Variants in PTPRF observed in about 807,000 individuals in gnomAD.
PTPRF encodes receptor-type tyrosine-protein phosphatase F.
In PTPRF, 59 loss-of-function variants were observed where a neutral mutation model predicts 201.8. That is an observed-to-expected ratio of 0.29 (90% CI 0.24 to 0.36). The LOEUF is 0.36. Ranked by LOEUF, PTPRF falls within the 10% of genes least tolerant of loss-of-function variation. The pLI is 1.00. For missense variants in PTPRF, 2,132 were observed against 2,690.5 expected (o/e 0.79, Z 4.59); for synonymous variants, 1,088 against 1,089.7 (o/e 1.00, Z 0.03).
chr1:43,609,462 C>G lies in PTPRF; in HGVS notation c.3937C>G (p.Pro1313Ala), dbSNP rs753601305. The G allele has an allele frequency of 2.5e-6, 4 of 1,614,036 alleles. No individual in the cohort carries two copies. The highest frequency in any genetic ancestry group is 2.2e-5 in the South Asian group (2 of 91,058). The change falls in exon 22 of 34, where the codon CCT becomes GCT. Residue 1313 changes from proline to alanine, a missense_variant. By Grantham distance (27) the Pro-to-Ala change is conservative. This residue lies in a region of PTPRF where 818 missense variants were observed against 915.3 expected (regional missense o/e 0.89). Transcript: ENST00000359947. ...KDSLLAHSSD[P>A]VEMRRLNYQT... The stretch of plus-strand genomic sequence containing the variant: ...CTCCTTGCTGGCCCACTCCTCTGAC[C>G]CTGTGGAGATGCGGAGGCTCAACTA...
At chr1:43,536,503 G>A (rs1644017681) in intron 1 of PTPRF, among the ~76,000 whole-genome samples, 1 of 152,224 alleles carries the variant, frequency 6.6e-6, no homozygotes, top group Non-Finnish European at 1.5e-5. Context: ...CTGTGGCTGG[G>A]TGTGGCAGCA....
At chr1:43,598,621 G>T in intron 12 of PTPRF, 99 bp from the exon 13 acceptor site, 1 of 1,116,416 alleles carries the variant, frequency 9.0e-7, no homozygotes, top group Non-Finnish European at 1.3e-6. Context: ...CTTTCCTGGG[G>T]GAGTGGGGTG....
chr1:43,614,014 A>T (rs975846427), intron 23 of PTPRF, among the ~76,000 whole-genome samples: 1 of 152,220 alleles, frequency 6.6e-6, no homozygotes, highest in African/African-American at 2.4e-5. Flanking sequence ...TCACAGGCAG[A>T]CACAAGGCCA....
At chr1:43,561,926 A>G (rs1179150398) in intron 5 of PTPRF, among the ~76,000 whole-genome samples, 1 of 152,114 alleles carries the variant, frequency 6.6e-6, no homozygotes, top group Non-Finnish European at 1.5e-5. Flanking sequence ...CCCTGCCCCT[A>G]TACTCACAGG....
intron 23 of PTPRF, among the ~76,000 whole-genome samples, chr1:43,615,572 TTTTTTTTTTCTTTTTTG>T (rs1657605526): frequency 7.5e-6 from 1 of 133,108 alleles, no homozygotes; most frequent in Non-Finnish European, 1.6e-5. Flanking sequence ...TTTTTTTTTT[TTTTTTTTTTCTTTTTTG>T]GAAGTCTCGC....
intron 13 of PTPRF, among the ~76,000 whole-genome samples, chr1:43,600,848 C>T (rs1456856984): frequency 3.3e-5 from 5 of 152,072 alleles, no homozygotes; most frequent in African/African-American, 4.8e-5. Flanking sequence ...CCCTTTCCTT[C>T]ATCTCCATTT....
chr1:43,584,370 G>A (rs1488579983), intron 7 of PTPRF, among the ~76,000 whole-genome samples: 2 of 152,216 alleles, frequency 1.3e-5, no homozygotes, highest in Admixed American at 6.5e-5. Flanking sequence ...TCAGATATCA[G>A]CCCTGAGCAT....
intron 3 of PTPRF, among the ~76,000 whole-genome samples, chr1:43,548,508 C>T (rs1231541941): frequency 3.9e-5 from 6 of 152,124 alleles, no homozygotes; most frequent in Admixed American, 1.3e-4. Context: ...TGGGACTTCC[C>T]GCAGATTCCG....
At position 43,546,567 on chromosome 1, in the gene PTPRF, C is replaced by A. The variant is rs930556506; in HGVS notation, c.91+1401C>A. 6.6e-6 allele frequency among the ~76,000 whole-genome samples: 1 copy of A among 152,094 alleles called. No homozygotes were observed. Among genetic ancestry groups the A allele is most frequent in the Admixed American group, 6.5e-5 (1 of 15,282 alleles). On this transcript the variant is annotated intron_variant, in intron 3 of 33. Transcript: ENST00000359947. This position sits in a 1 kb window ranked among gnomAD's most constrained non-coding sequence, Gnocchi z 4.2. ...GACATTGAAGTACTGTCCTTGCCCT[C>A]CCCGCCGACCCAACCCCAGGCACTT...
chr1:43,585,622 C>T (rs998376410), intron 7 of PTPRF, among the ~76,000 whole-genome samples: 1 of 152,290 alleles, frequency 6.6e-6, no homozygotes, highest in Non-Finnish European at 1.5e-5. Context: ...TTCTGTGAAG[C>T]GCCTCAATTT....
chr1:43,539,685 A>G lies in PTPRF; in HGVS notation c.-46+1408A>G, dbSNP rs190160607. ...TCAGATGGGGAGGGTGGGTGTAGGGACACTATGTGTCCCTTTGCCTCTCCA... is the reference window on the plus strand; with the variant it reads ...TCAGATGGGGAGGGTGGGTGTAGGGGCACTATGTGTCCCTTTGCCTCTCCA... On this transcript the variant is annotated intron_variant, in intron 2 of 33. Coordinates refer to ENST00000359947, the MANE Select transcript of PTPRF (RefSeq NM_002840.5). 1.2e-4 allele frequency among the ~76,000 whole-genome samples: 19 copies of G among 152,192 alleles called. No homozygotes were observed. The East Asian group carries it at 2.9e-3, about 23-fold the overall frequency.
chr1:43,576,068 A>G, intron 6 of PTPRF: 1 of 608,714 alleles, frequency 1.6e-6, no homozygotes, highest in South Asian at 1.5e-5. Context: ...CACCCCCAAC[A>G]CCACCGGCCA....
At position 43,603,327 on chromosome 1, in the gene PTPRF, C is replaced by A; in HGVS notation, c.2341-89C>A. ...CCCTGGCCTTGTGTGCCCCGGGGCT[C>A]CCCTCAGGCTAGGGTCCTGAGGTCC... is the stretch of plus-strand genomic sequence containing the variant. On this transcript the variant is annotated intron_variant, in intron 14 of 33. Transcript: ENST00000359947. This position sits in a 1 kb window ranked among gnomAD's most constrained non-coding sequence, Gnocchi z 5.8. The A allele has an allele frequency of 2.5e-6, 3 of 1,179,938 alleles. No individual in the cohort carries two copies. Among genetic ancestry groups the A allele is most frequent in the Non-Finnish European group, 3.8e-6 (3 of 791,430 alleles). 73.1% of individuals were successfully genotyped at this position (1,179,938 alleles called of 1,614,324 possible). A position where few individuals can be genotyped will look rare whatever the true frequency, so the allele number is the denominator to read the frequency against.
At chr1:43,549,241 G>C (rs537213575) in intron 3 of PTPRF, among the ~76,000 whole-genome samples, 1 of 152,342 alleles carries the variant, frequency 6.6e-6, no homozygotes, top group East Asian at 1.9e-4. Flanking sequence ...GACCCTCACT[G>C]AACACCAGCT....
chr1:43,606,327 C>A lies in PTPRF; in HGVS notation c.3571C>A (p.Leu1191Met), dbSNP rs752458078. The A allele has an allele frequency of 6.2e-7, 1 of 1,614,178 alleles. No individual in the cohort carries two copies. Among genetic ancestry groups the A allele is most frequent in the Non-Finnish European group, 8.5e-7 (1 of 1,180,040 alleles). Residue 1191 changes from leucine (L) to methionine (M), a missense_variant, in exon 20 of 34, where the codon CTG (leucine) becomes ATG (methionine). Around this residue, in one of 6 missense-constraint regions of PTPRF, gnomAD observed 818 missense variants for 915.3 expected, o/e 0.89. Transcript: ENST00000359947. ...TCTGAAGCCATATGTGGCTGCTCAA[C>A]TGGATGTGCTCCCGGAGACCTTTAC... Reference protein sequence around the residue: ...ERLKPYVAAQLDVLPETFTLG... With the variant: ...ERLKPYVAAQMDVLPETFTLG...
At chr1:43,575,622 G>C (rs1437449829) in intron 6 of PTPRF, among the ~76,000 whole-genome samples, 1 of 151,948 alleles carries the variant, frequency 6.6e-6, no homozygotes, top group African/African-American at 2.4e-5. Flanking sequence ...GGGTCTGCAG[G>C]AGTCCTGACT....
At chr1:43,551,658 T>G (rs1199552516) in intron 3 of PTPRF, among the ~76,000 whole-genome samples, 1 of 152,120 alleles carries the variant, frequency 6.6e-6, no homozygotes, top group Non-Finnish European at 1.5e-5. Context: ...GCCAGTCATT[T>G]CACCCTCCGA....
At chr1:43,597,254 T>A (rs556343928) in intron 11 of PTPRF, among the ~76,000 whole-genome samples, 4 of 152,224 alleles carry the variant, frequency 2.6e-5, no homozygotes, top group East Asian at 1.9e-4. Context: ...ACTGTGTGTG[T>A]GAAACACTAT....
At position 43,537,269 on chromosome 1, in the gene PTPRF, G is replaced by A. The variant is rs1261882790; in HGVS notation, c.-125-929G>A. On this transcript the variant is annotated intron_variant, in intron 1 of 33. Coordinates refer to ENST00000359947, the MANE Select transcript of PTPRF (RefSeq NM_002840.5). This position sits in a 1 kb window ranked among gnomAD's most constrained non-coding sequence, Gnocchi z 4.8. ...TAGAAGGAAGGGGCTGGGCTCTGTC[G>A]CTGCATGTGTGCCAGCGGAGGAGGC... is the stretch of plus-strand genomic sequence containing the variant. Among the ~76,000 whole-genome samples, 2 of 152,198 alleles carry A rather than the reference G, an allele frequency of 1.3e-5. No individual in the cohort carries two copies. Among genetic ancestry groups the A allele is most frequent in the African/African-American group, 2.4e-5 (1 of 41,448 alleles).
Sources: gnomAD v4.1 joint callset for allele counts (sites outside exome capture counted in the v4.1 genomes callset) on GRCh38, gnomAD v4.1.1 for gene constraint, gnomAD v4.1.1 regional missense constraint, Gnocchi (gnomAD v3.1) non-coding constraint, MANE v1.5 for transcripts, NCBI Gene and HGNC (gene_info 2026-07-23, HGNC 2026-07-21) for gene names.